SGCD: variants seen among roughly 807,000 people sequenced by gnomAD.
SGCD encodes delta-sarcoglycan.
In SGCD, 18 loss-of-function variants were observed where a neutral mutation model predicts 36.6. The observed-to-expected ratio is 0.49, with a 90% CI of 0.34 to 0.73. The LOEUF (loss-of-function observed/expected upper bound fraction) is 0.73, where lower values mean the gene tolerates loss of function less well. SGCD is among the 30% of genes least tolerant of loss of function. The pLI, the probability that SGCD is intolerant of heterozygous loss-of-function variation, is 0.01. For synonymous variants in SGCD, 133 were observed against 130.6 expected (o/e 1.02, Z -0.12); for missense variants, 387 against 346.7 (o/e 1.12, Z -0.92).
chr5:156,017,436 C>A (rs1331444554), intron 1 of SGCD, among the ~76,000 whole-genome samples: 4 of 151,816 alleles, frequency 2.6e-5, no homozygotes, highest in African/African-American at 4.8e-5. Flanking sequence ...TAGAGGAATT[C>A]ATTCATGTTT....
At chr5:155,928,666 CAAAA>C (rs58548934) in intron 1 of SGCD, among the ~76,000 whole-genome samples, 1 of 68,196 alleles carries the variant, frequency 1.5e-5, no homozygotes, top group African/African-American at 6.7e-5. Flanking sequence ...GACTCTGTCT[CAAAA>C]AAAAAAAAAA....
the SGCD span, among the ~76,000 whole-genome samples, chr5:155,738,924 C>A: frequency 8.1e-6 from 1 of 122,742 alleles, no homozygotes; most frequent in Non-Finnish European, 1.8e-5. Context: ...AGTGTGTTTG[C>A]GTGTGAGAGA....
chr5:156,390,617 C>T (rs998231967), intron 3 of SGCD, among the ~76,000 whole-genome samples: 1 of 152,044 alleles, frequency 6.6e-6, no homozygotes, highest in African/African-American at 2.4e-5. Flanking sequence ...GTAATCTCAG[C>T]TACTTAAGAA....
At chr5:156,286,485 TATGCAGCC>T (rs1368045976) in intron 3 of SGCD, among the ~76,000 whole-genome samples, 1 of 152,244 alleles carries the variant, frequency 6.6e-6, no homozygotes, top group African/African-American at 2.4e-5. Flanking sequence ...CATGGAATAC[TATGCAGCC>T]ATAGAAAAGG....
At chr5:156,645,428 T>C (rs970943148) in intron 6 of SGCD, among the ~76,000 whole-genome samples, 1 of 152,126 alleles carries the variant, frequency 6.6e-6, no homozygotes, top group African/African-American at 2.4e-5. Flanking sequence ...AATGGCCTTT[T>C]TGAAGAGTAT....
intron 7 of SGCD, among the ~76,000 whole-genome samples, chr5:156,722,214 T>A (rs1434922557): frequency 1.3e-5 from 2 of 152,142 alleles, no homozygotes; most frequent in Non-Finnish European, 2.9e-5. Flanking sequence ...ATTAAGTAGA[T>A]CAAATTAGCC....
At chr5:155,951,294 A>G (rs1028191838) in intron 1 of SGCD, among the ~76,000 whole-genome samples, 3 of 152,216 alleles carry the variant, frequency 2.0e-5, no homozygotes, top group Non-Finnish European at 4.4e-5. Flanking sequence ...GCAACCATCA[A>G]GACTGAGTGG....
rs187115329 is a variant in SGCD at position 156,526,768 on chromosome 5, T to G, written c.294+18066T>G. 2.3e-4 allele frequency among the ~76,000 whole-genome samples: 35 copies of G among 152,282 alleles called. No individual in the cohort carries two copies. The South Asian group carries it at 3.7e-3, about 16-fold the overall frequency. The stretch of plus-strand genomic sequence containing the variant: ...TTTTTTTTAAACAGACACATAAACT[T>G]TGAATAGTTCAACACGTAATACTAT... On this transcript the variant is annotated intron_variant, in intron 4 of 8. Transcript: ENST00000337851.
At chr5:156,021,356 C>T (rs1292432332) in intron 1 of SGCD, among the ~76,000 whole-genome samples, 1 of 152,096 alleles carries the variant, frequency 6.6e-6, no homozygotes, top group African/African-American at 2.4e-5. Context: ...CTTAATTAGC[C>T]AAGCATGGTG....
At chr5:156,553,861 A>G (rs1206241741) in intron 4 of SGCD, among the ~76,000 whole-genome samples, 9 of 152,206 alleles carry the variant, frequency 5.9e-5, no homozygotes, top group Non-Finnish European at 1.2e-4. Context: ...TCATCAGTTG[A>G]TGGACATTTG....
intron 8 of SGCD, among the ~76,000 whole-genome samples, chr5:156,758,564 T>C (rs1305313100): frequency 6.6e-6 from 1 of 152,170 alleles, no homozygotes; most frequent in African/African-American, 2.4e-5. Context: ...TTATCACAAC[T>C]GCCTCTTCAA....
chr5:155,738,849 GTA>G, the SGCD span, among the ~76,000 whole-genome samples: 1 of 147,210 alleles, frequency 6.8e-6, no homozygotes, highest in African/African-American at 2.5e-5. Context: ...GAGAGAGTAT[GTA>G]TATGAGAGTG....
chr5:156,307,073 A>T (rs1581232997), intron 3 of SGCD, among the ~76,000 whole-genome samples: 1 of 136,812 alleles, frequency 7.3e-6, no homozygotes, highest in Non-Finnish European at 1.5e-5. Context: ...TTAGAGTCTC[A>T]CTCTGTTGAC....
intron 1 of SGCD, among the ~76,000 whole-genome samples, chr5:156,043,920 TC>T (rs1322164451): frequency 6.7e-6 from 1 of 149,076 alleles, no homozygotes; most frequent in Admixed American, 6.6e-5. Context: ...TTCAATGTCT[TC>T]CAAGGGTAAA....
chr5:155,959,673 T>A (rs1271744374), intron 1 of SGCD, among the ~76,000 whole-genome samples: 1 of 152,084 alleles, frequency 6.6e-6, no homozygotes, highest in Non-Finnish European at 1.5e-5. Context: ...ATTTTAGAAG[T>A]TTTTAAAGAT....
At chr5:156,148,090 G>A (rs1483929784) in intron 3 of SGCD, among the ~76,000 whole-genome samples, 1 of 152,080 alleles carries the variant, frequency 6.6e-6, no homozygotes, top group Non-Finnish European at 1.5e-5. Flanking sequence ...TAAGTGATGT[G>A]GTGAACCAAG....
At chr5:156,728,508 C>CA (rs34726270) in intron 7 of SGCD, among the ~76,000 whole-genome samples, 611 of 46,550 alleles carry the variant, frequency 0.013, 211 homozygotes, top group Admixed American at 0.016. Flanking sequence ...GAGACTCTGT[C>CA]AAAAAAAAAA....
At chr5:156,598,824 C>G (rs984590364) in intron 6 of SGCD, among the ~76,000 whole-genome samples, 5 of 152,202 alleles carry the variant, frequency 3.3e-5, no homozygotes, top group African/African-American at 9.6e-5. Flanking sequence ...ACCCCACCCC[C>G]ACATTCACTT....
intron 3 of SGCD, among the ~76,000 whole-genome samples, chr5:156,396,803 A>G (rs1404136320): frequency 6.6e-6 from 1 of 152,162 alleles, no homozygotes. Context: ...CTGAACCTTC[A>G]CTGGAACTTA....
Sources: allele counts gnomAD v4.1 joint callset (sites outside exome capture counted in the v4.1 genomes callset), GRCh38; gene constraint gnomAD v4.1.1; transcripts MANE v1.5; gene names NCBI Gene and HGNC (gene_info 2026-07-23, HGNC 2026-07-21).